The following ZNF75A variants were observed in gnomAD, a reference collection of about 807,000 sequenced individuals.
The protein encoded by ZNF75A is zinc finger protein 75A.
ZNF75A carries 36 observed loss-of-function variants against 46.3 expected under a neutral mutation model. The ratio of observed to expected loss-of-function variants is 0.78; its 90% confidence interval spans 0.60 to 1.03. ZNF75A has a LOEUF of 1.03. ZNF75A is among the 50% of genes least tolerant of loss of function. The pLI is 0.00. For synonymous variants in ZNF75A, 234 were observed against 189.9 expected (o/e 1.23, Z -1.91); for missense variants, 595 against 551.3 (o/e 1.08, Z -0.79).
At chr16:3,306,159 G>A (rs141090851) in intron 1 of ZNF75A, 1 of 152,238 alleles carries the variant, frequency 6.6e-6, no homozygotes, top group East Asian at 1.9e-4. Context: ...CGTTTCTGCT[G>A]GCTCACTTCA....
At chr16:3,310,975 C>G (rs184600589) in intron 2 of ZNF75A, 15 of 984,044 alleles carry the variant, frequency 1.5e-5, no homozygotes, top group African/African-American at 1.7e-5. Context: ...CCTTTTTTCT[C>G]CATTCTATCC....
intron 2 of ZNF75A, among the ~76,000 whole-genome samples, chr16:3,310,076 A>G (rs1277942327): frequency 6.6e-6 from 1 of 152,064 alleles, no homozygotes; most frequent in Non-Finnish European, 1.5e-5. Context: ...CCTGGGCAAC[A>G]GAGTGAGACC....
At position 3,318,152 on chromosome 16, in the gene ZNF75A, T is replaced by G; in HGVS notation, c.*283T>G. 1 of 1,159,436 alleles carries G rather than the reference T, an allele frequency of 8.6e-7. No individual in the cohort carries two copies. The highest frequency in any genetic ancestry group is 4.5e-5 in the East Asian group (1 of 22,382). The allele number at this position is 1,159,436 out of a possible 1,614,324, so 71.8% of individuals were successfully genotyped here. A position where few individuals can be genotyped will look rare whatever the true frequency, so the allele number is the denominator to read the frequency against. ...CATGGTCTTCCAAAACAAAAAGCAG[T>G]AACATGCATGTTTAATTGCATACCA... On this transcript the variant is annotated 3_prime_UTR_variant, in exon 7 of 7. Transcript: ENST00000669516.
chr16:3,313,127 C>T lies in ZNF75A; in HGVS notation c.775C>T (p.Leu259Phe). The T allele has an allele frequency of 6.2e-7, 1 of 1,614,012 alleles. No homozygotes were observed. The highest frequency in any genetic ancestry group is 8.5e-7 in the Non-Finnish European group (1 of 1,179,924). Residue 259 changes from leucine (L) to phenylalanine (F), a missense_variant, in exon 5 of 7, where the codon CTC (leucine) becomes TTC (phenylalanine). Transcript: ENST00000669516. ...WELLDPTQKA[L>F]YNDVMQENYE... ...GTTATTGGATCCCACTCAGAAGGCC[C>T]TCTACAATGATGTAATGCAGGAAAA...
intron 5 of ZNF75A, 158 bp from the exon 6 acceptor site, chr16:3,316,754 A>T (rs1173940311): frequency 1.8e-6 from 1 of 565,162 alleles, no homozygotes; most frequent in African/African-American, 1.9e-5. Flanking sequence ...TAAGTATAAC[A>T]TAGTATAAAC....
downstream of ZNF75A, among the ~76,000 whole-genome samples, chr16:3,319,805 T>A (rs1012386958): frequency 1.5e-4 from 22 of 151,280 alleles, no homozygotes; most frequent in Admixed American, 3.3e-4. Flanking sequence ...TTATTTTTTT[T>A]TTTATTTTTT....
chr16:3,322,070 C>T (rs2029964570), downstream of ZNF75A, among the ~76,000 whole-genome samples: 1 of 152,034 alleles, frequency 6.6e-6, no homozygotes, highest in South Asian at 2.1e-4. Flanking sequence ...TGCCCTGTTA[C>T]TCTTCTCTTG....
At position 3,318,782 on chromosome 16, in the gene ZNF75A, A is replaced by C; in HGVS notation, c.*913A>C. ...TGCTGCAGGCAGGATCCTGTGGCTC[A>C]TTTGGCATGGAGACCTGGACATGTA... On this transcript the variant is annotated 3_prime_UTR_variant, in exon 7 of 7. Transcript: ENST00000669516. The C allele has an allele frequency of 1.0e-6, 1 of 985,432 alleles. No homozygotes were observed. Among genetic ancestry groups the C allele is most frequent in the Non-Finnish European group, 1.2e-6 (1 of 829,928 alleles). 61.0% of individuals were successfully genotyped at this position (985,432 alleles called of 1,614,324 possible).
intron 1 of ZNF75A, chr16:3,306,027 C>T (rs1960193220): frequency 6.6e-6 from 1 of 152,210 alleles, no homozygotes; most frequent in South Asian, 2.1e-4. Context: ...AGCCTCAGGG[C>T]TAGCAGCTTC....
In ZNF75A at chr16:3,315,003, G is replaced by C. The variant is rs545085995; in HGVS notation, c.823+1828G>C. 27 of 985,136 alleles carry C rather than the reference G, an allele frequency of 2.7e-5. No homozygotes were observed. In the South Asian group the frequency reaches 1.2e-3, roughly 43 times the overall value. 61.0% of individuals were successfully genotyped at this position (985,136 alleles called of 1,614,324 possible). ...TCTCAACTAGATAGTGTAGCGGAGG[G>C]TGTAGGTGGTGTATCCAGATCACCT... On this transcript the variant is annotated intron_variant, in intron 5 of 6. Coordinates refer to ENST00000669516, the MANE Select transcript of ZNF75A (RefSeq NM_001302109.2).
chr16:3,319,359 C>A (rs1961437667), downstream of ZNF75A, among the ~76,000 whole-genome samples: 1 of 152,190 alleles, frequency 6.6e-6, no homozygotes, highest in African/African-American at 2.4e-5. Context: ...AAGTGATCCA[C>A]CCGCCTCGGC....
rs1287996699 is a variant in ZNF75A, at chr16:3,312,683, C to G, written c.611C>G (p.Pro204Arg). The change falls in exon 4 of 7, where the codon CCT becomes CGT. Residue 204 changes from proline to arginine, a missense_variant. Coordinates refer to ENST00000669516, the MANE Select transcript of ZNF75A (RefSeq NM_001302109.2). Reference protein sequence around the residue: ...ETEPVYERAVPTQQILAFPEQ... With the variant: ...ETEPVYERAVRTQQILAFPEQ... ...GGCTCTTTTCCCCCCACAGCTGTGCCTACTCAACAGATTCTAGCTTTTCCT... is the reference window on the plus strand; with the variant it reads ...GGCTCTTTTCCCCCCACAGCTGTGCGTACTCAACAGATTCTAGCTTTTCCT... 9.9e-7 allele frequency: 1 copy of G among 1,010,338 alleles called. No individual in the cohort carries two copies. The highest frequency in any genetic ancestry group is 1.2e-6 in the Non-Finnish European group (1 of 844,418). 62.6% of individuals were successfully genotyped at this position (1,010,338 alleles called of 1,614,324 possible). A position where few individuals can be genotyped will look rare whatever the true frequency, so the allele number is the denominator to read the frequency against.
Position 3,317,275 on chromosome 16 carries a change from A to G in ZNF75A, c.1020A>G (p.Ser340=). ...LEIQASAGVI[S]KKAKVKVPQK... ...TACAAGCATCAGCAGGCGTCATATC[A>G]AAAAAGGCCAAAGTAAAAGTTCCCC... The change falls in exon 7 of 7, where the codon TCA becomes TCG. Residue 340 remains serine, a synonymous_variant. Coordinates refer to ENST00000669516, the MANE Select transcript of ZNF75A (RefSeq NM_001302109.2). 6.2e-7 allele frequency: 1 copy of G among 1,614,012 alleles called. No individual in the cohort carries two copies.
At chr16:3,311,131 C>A in intron 2 of ZNF75A, among the ~76,000 whole-genome samples, 1 of 152,044 alleles carries the variant, frequency 6.6e-6, no homozygotes, top group East Asian at 1.9e-4. Flanking sequence ...CCTGACAAGA[C>A]AGTATTAGAA....
chr16:3,312,566 A>G, intron 3 of ZNF75A, 111 bp from the exon 4 acceptor site: 1 of 229,684 alleles, frequency 4.4e-6, no homozygotes, highest in Non-Finnish European at 7.2e-6. Context: ...CACACACCAC[A>G]CGTGTAAAGG....
Position 3,317,319 on chromosome 16 carries a change from A to G in ZNF75A, c.1064A>G (p.Glu355Gly), listed in dbSNP as rs1406308315. The G allele has an allele frequency of 6.2e-7, 1 of 1,614,136 alleles. No homozygotes were observed. The highest frequency in any genetic ancestry group is 8.5e-7 in the Non-Finnish European group (1 of 1,180,032). The change falls in exon 7 of 7, where the codon GAA (glutamate) becomes GGA (glycine). Residue 355 changes from glutamate to glycine, a missense_variant. Glu to Gly is a moderately conservative substitution (Grantham distance 98, BLOSUM62 -2). Coordinates refer to ENST00000669516, the MANE Select transcript of ZNF75A (RefSeq NM_001302109.2). ...VKVPQKTAGK[E>G]NHFDMHRVGK... is the part of the protein sequence containing the mutation. ...GTTCCCCAGAAAACAGCAGGCAAAG[A>G]AAATCATTTTGATATGCACAGAGTG...
chr16:3,306,202 C>T (rs1960217113), intron 1 of ZNF75A: 1 of 152,122 alleles, frequency 6.6e-6, no homozygotes, highest in Admixed American at 6.5e-5. Context: ...TCCTCAGCCC[C>T]CCTTAGAAGT....
At chr16:3,322,786 C>A (rs755361864), downstream of ZNF75A, 1 of 473,886 alleles carries the variant, frequency 2.1e-6, no homozygotes, top group Non-Finnish European at 2.8e-6. Context: ...TATTTCAAGT[C>A]TTTTTCAAAA....
At chr16:3,310,790 A>G (rs1327467038) in intron 2 of ZNF75A, 3 of 985,328 alleles carry the variant, frequency 3.0e-6, no homozygotes, top group Non-Finnish European at 3.6e-6. Context: ...AGTAGATGAA[A>G]GTCTCTACTG....
Sources: allele counts gnomAD v4.1 joint callset (sites outside exome capture counted in the v4.1 genomes callset), GRCh38; gene constraint gnomAD v4.1.1; transcripts MANE v1.5; gene names NCBI Gene and HGNC (gene_info 2026-07-23, HGNC 2026-07-21).